The following TANC1 variants were observed in gnomAD, a reference collection of about 807,000 sequenced individuals.
TANC1 encodes the protein tetratricopeptide repeat, ankyrin repeat and coiled-coil containing 1.
In TANC1, 77 loss-of-function variants were observed where a neutral mutation model predicts 149.7. The ratio of observed to expected loss-of-function variants is 0.51; its 90% CI spans 0.43 to 0.62. The LOEUF (loss-of-function observed/expected upper bound fraction) is 0.62, where lower values mean the gene tolerates loss of function less well. Among genes scored for constraint, TANC1 ranks in the 20% least tolerant of loss-of-function variants. The pLI is 0.00. For missense variants in TANC1, 1,985 were observed against 2,321.8 expected (o/e 0.85, Z 2.98); for synonymous variants, 854 against 925.0 (o/e 0.92, Z 1.39).
At chr2:159,064,730 T>C (rs1004457590) in intron 2 of TANC1, among the ~76,000 whole-genome samples, 2 of 152,200 alleles carry the variant, frequency 1.3e-5, no homozygotes, top group South Asian at 2.1e-4. Flanking sequence ...TGGCAACACA[T>C]TGGGATTCCT....
intron 2 of TANC1, among the ~76,000 whole-genome samples, chr2:159,039,838 G>T (rs1329453233): frequency 1.3e-5 from 2 of 152,188 alleles, no homozygotes; most frequent in Non-Finnish European, 2.9e-5. Flanking sequence ...TTGATTTGGG[G>T]TGGAGAGTTC....
At position 159,016,796 on chromosome 2, in the gene TANC1, G is replaced by A. The variant is rs190529394; in HGVS notation, c.-16+15607G>A. 2.1e-3 allele frequency among the ~76,000 whole-genome samples: 323 copies of A among 152,058 alleles called. 2 individuals carry two copies. Among genetic ancestry groups the A allele is most frequent in the Middle Eastern group, 0.01 (3 of 292 alleles). Reference sequence around the variant, plus strand: ...TCACTGTGTTAGCCAGGATGGTCTCGATCTCCTGACCTTGTGATCTGCCCG... The same window carrying A: ...TCACTGTGTTAGCCAGGATGGTCTCAATCTCCTGACCTTGTGATCTGCCCG... On this transcript the variant is annotated intron_variant, in intron 2 of 26. Transcript: ENST00000263635.
intron 16 of TANC1, among the ~76,000 whole-genome samples, chr2:159,189,265 A>T (rs571183293): frequency 6.6e-6 from 1 of 152,244 alleles, no homozygotes; most frequent in Non-Finnish European, 1.5e-5. Context: ...GCTTGTTAAC[A>T]GGAGCTGCCG....
chr2:159,107,918 CTGTCT>C (rs1445019883), intron 4 of TANC1, among the ~76,000 whole-genome samples: 1 of 152,234 alleles, frequency 6.6e-6, no homozygotes, highest in Non-Finnish European at 1.5e-5. Flanking sequence ...GTAAGGACTG[CTGTCT>C]TGTCTTTGTT....
rs373060560 is a variant in TANC1, at chr2:159,162,530, C to T, written c.683-753C>T. Among the ~76,000 whole-genome samples, 92 of 152,290 alleles carry T rather than the reference C, an allele frequency of 6.0e-4. 1 individual carries two copies. Among genetic ancestry groups the T allele is most frequent in the African/African-American group, 2.1e-3 (86 of 41,552 alleles). ...AAGCTATGTAGGGTGAGTATTGCTT[C>T]GCTTTTTGACCATGTTCTTTCTGCT... On this transcript the variant is annotated intron_variant, in intron 7 of 26. Coordinates refer to ENST00000263635, the MANE Select transcript of TANC1 (RefSeq NM_033394.3).
At chr2:159,144,901 A>C (rs2150275967) in intron 5 of TANC1, among the ~76,000 whole-genome samples, 1 of 152,360 alleles carries the variant, frequency 6.6e-6, no homozygotes, top group African/African-American at 2.4e-5. Flanking sequence ...GACTAGATTC[A>C]CAAGTGCTAT....
Position 159,225,383 on chromosome 2 carries a change from T to C in TANC1, c.3812-305T>C. ...GCTGCAGGAACTGAGGAGGTTATGC[T>C]AAGGCCTCATTTAATTAATTTTCCC... On this transcript the variant is annotated intron_variant, in intron 23 of 26. Coordinates refer to ENST00000263635, the MANE Select transcript of TANC1 (RefSeq NM_033394.3). The C allele has an allele frequency of 6.1e-5, 28 of 460,126 alleles. No homozygotes were observed. In the South Asian group the frequency reaches 6.2e-4, roughly 10 times the overall value. The allele number at this position is 460,126 out of a possible 1,614,324, so 28.5% of individuals were successfully genotyped here.
chr2:159,132,722 C>T (rs952070300), intron 4 of TANC1, among the ~76,000 whole-genome samples: 2 of 148,104 alleles, frequency 1.4e-5, no homozygotes, highest in Admixed American at 1.4e-4. Context: ...TGGTCTGGAA[C>T]TCATGAGGCA....
chr2:159,170,002 A>C (rs554405863), intron 9 of TANC1, among the ~76,000 whole-genome samples: 4 of 152,228 alleles, frequency 2.6e-5, no homozygotes, highest in South Asian at 4.1e-4. Context: ...AAAAAAAAAA[A>C]AAAACACTTG....
chr2:159,200,703 T>C (rs1363476914), intron 19 of TANC1, among the ~76,000 whole-genome samples: 1 of 152,158 alleles, frequency 6.6e-6, no homozygotes, highest in African/African-American at 2.4e-5. Context: ...TCAGAATTCT[T>C]GGCACAGTTT....
At chr2:159,173,300 G>T (rs188691086) in intron 11 of TANC1, among the ~76,000 whole-genome samples, 269 of 152,170 alleles carry the variant, frequency 1.8e-3, no homozygotes, top group Middle Eastern at 6.8e-3. Flanking sequence ...TTAAAAAATT[G>T]TGGCTCTAAA....
intron 12 of TANC1, 139 bp downstream of exon 12, chr2:159,175,323 A>T (rs1459194649): frequency 1.5e-6 from 1 of 665,558 alleles, no homozygotes; most frequent in African/African-American, 1.8e-5. Flanking sequence ...CTCCGTGCCC[A>T]TCCACTCCTC....
intron 19 of TANC1, among the ~76,000 whole-genome samples, chr2:159,203,460 C>A (rs1177495789): frequency 6.6e-6 from 1 of 152,200 alleles, no homozygotes; most frequent in African/African-American, 2.4e-5. Context: ...CCACCTCGGC[C>A]TCCCAGAGTG....
chr2:159,091,964 G>T (rs189258604), intron 3 of TANC1, among the ~76,000 whole-genome samples: 1 of 144,122 alleles, frequency 6.9e-6, no homozygotes, highest in Non-Finnish European at 1.5e-5. Context: ...GTAAATATAG[G>T]GGGGGGTGTG....
At chr2:159,002,692 G>C (rs1045150621) in intron 2 of TANC1, among the ~76,000 whole-genome samples, 2 of 152,164 alleles carry the variant, frequency 1.3e-5, no homozygotes, top group Non-Finnish European at 2.9e-5. Flanking sequence ...ATGCCCTCTC[G>C]AGAGTTTCTG....
intron 2 of TANC1, among the ~76,000 whole-genome samples, chr2:159,054,908 G>T (rs571696311): frequency 6.6e-6 from 1 of 152,292 alleles, no homozygotes; most frequent in Non-Finnish European, 1.5e-5. Flanking sequence ...GAAGAGACCT[G>T]AAATTATCCA....
chr2:159,045,253 G>C (rs917226057), intron 2 of TANC1, among the ~76,000 whole-genome samples: 3 of 152,082 alleles, frequency 2.0e-5, no homozygotes, highest in Admixed American at 2.0e-4. Context: ...GAGCTCAGGA[G>C]TGCCTGTCTG....
Position 158,992,669 on chromosome 2 carries a change from A to ATTTTTTTTT in TANC1, c.-125-8395_-125-8387dup, listed in dbSNP as rs70994251. ...AGGCGCCCACCACCATGCCCAGCTA[A>ATTTTTTTTT]TTTTTTTTTTTTTTTTTTTTTTTTG... On this transcript the variant is annotated intron_variant, in intron 1 of 26. Transcript: ENST00000263635. Among the ~76,000 whole-genome samples the ATTTTTTTTT allele has an allele frequency of 2.8e-3, 319 of 112,472 alleles. 1 individual carries two copies. Among genetic ancestry groups the ATTTTTTTTT allele is most frequent in the African/African-American group, 6.9e-3 (199 of 28,942 alleles). 73.8% of individuals were successfully genotyped at this position (112,472 alleles called of 152,430 possible).
intron 19 of TANC1, among the ~76,000 whole-genome samples, chr2:159,215,945 CG>C (rs2059317122): frequency 6.6e-6 from 1 of 152,066 alleles, no homozygotes; most frequent in Non-Finnish European, 1.5e-5. Flanking sequence ...GTTTGCAGCC[CG>C]GGGTGCGGTG....
Sources: gnomAD v4.1 joint callset for allele counts (sites outside exome capture counted in the v4.1 genomes callset) on GRCh38, gnomAD v4.1.1 for gene constraint, MANE v1.5 for transcripts, NCBI Gene and HGNC (gene_info 2026-07-23, HGNC 2026-07-21) for gene names.